Variants in SATB2 observed in about 807,000 individuals in gnomAD.
The protein encoded by SATB2 is DNA-binding protein SATB2.
Under a neutral mutation model 73.4 loss-of-function variants are expected in SATB2, and 1 was observed. That is an observed-to-expected ratio of 0.01 (90% CI 0.00 to 0.06). The LOEUF is 0.06. SATB2 is among the 10% of genes least tolerant of loss of function. The pLI is 1.00. For synonymous variants in SATB2, 397 were observed against 367.0 expected (o/e 1.08, Z -0.93); for missense variants, 459 against 945.8 (o/e 0.49, Z 6.75).
At chr2:199,458,750 C>T (rs1210170185), upstream of SATB2, 1 of 420,152 alleles carries the variant, frequency 2.4e-6, no homozygotes, top group Non-Finnish European at 4.7e-6. Flanking sequence ...CGATCGCCTC[C>T]CCCACCCACC....
intron 6 of SATB2, among the ~76,000 whole-genome samples, chr2:199,367,729 C>A (rs973243013): frequency 3.3e-5 from 5 of 152,084 alleles, no homozygotes; most frequent in African/African-American, 1.2e-4. Flanking sequence ...ACCATCAAAA[C>A]CAATGTTACA....
At chr2:199,316,854 A>C (rs1382568252) in intron 9 of SATB2, among the ~76,000 whole-genome samples, 2 of 152,108 alleles carry the variant, frequency 1.3e-5, no homozygotes, top group Non-Finnish European at 2.9e-5. Context: ...AAAAAGAAGA[A>C]TGAATCTAGA....
At chr2:199,467,196 C>T (rs1208195940), upstream of SATB2, among the ~76,000 whole-genome samples, 1 of 152,248 alleles carries the variant, frequency 6.6e-6, no homozygotes, top group Non-Finnish European at 1.5e-5. Context: ...GGGCGGGACG[C>T]CCAGAGCCCT....
chr2:199,459,349 C>CCGGCCGCGGTGCCGG (rs902392706), upstream of SATB2, among the ~76,000 whole-genome samples: 4 of 152,090 alleles, frequency 2.6e-5, no homozygotes, highest in African/African-American at 4.8e-5. This position sits in a 1 kb window ranked among gnomAD's most constrained non-coding sequence, Gnocchi z 4.2. Flanking sequence ...CAGCCCGACT[C>CCGGCCGCGGTGCCGG]CGGCCGCGGT....
upstream of SATB2, among the ~76,000 whole-genome samples, chr2:199,467,923 C>T (rs890583280): frequency 1.3e-5 from 2 of 152,148 alleles, no homozygotes; most frequent in Admixed American, 1.3e-4. Flanking sequence ...GCCTGGGAAG[C>T]CAGACTTGCC....
chr2:199,370,289 T>C (rs187455410), intron 5 of SATB2, among the ~76,000 whole-genome samples: 62 of 151,962 alleles, frequency 4.1e-4, no homozygotes, highest in Non-Finnish European at 7.5e-4. Flanking sequence ...AGTTCTGATG[T>C]GGGATATCTG....
intron 3 of SATB2, among the ~76,000 whole-genome samples, chr2:199,387,523 A>T (rs1689999602): frequency 1.3e-5 from 2 of 152,192 alleles, no homozygotes; most frequent in South Asian, 4.1e-4. Flanking sequence ...AATCATCTTT[A>T]TTATTTACAA....
upstream of SATB2, chr2:199,458,833 G>T (rs915160134): frequency 6.3e-6 from 2 of 315,510 alleles, no homozygotes; most frequent in Non-Finnish European, 1.2e-5. Context: ...CCCCCTCCGC[G>T]CCGAGCCGAA....
At chr2:199,466,144 C>G (rs1692588356), upstream of SATB2, among the ~76,000 whole-genome samples, 1 of 152,196 alleles carries the variant, frequency 6.6e-6, no homozygotes, top group Admixed American at 6.5e-5. Context: ...TACTTGGAGA[C>G]AGACCCGGCC....
chr2:199,467,210 G>T (rs897304296), upstream of SATB2, among the ~76,000 whole-genome samples: 1 of 152,282 alleles, frequency 6.6e-6, no homozygotes, highest in Admixed American at 6.5e-5. Context: ...GAGCCCTCTT[G>T]TTGGCCGGTG....
chr2:199,424,162 T>C (rs1183213341), intron 3 of SATB2, among the ~76,000 whole-genome samples: 1 of 152,254 alleles, frequency 6.6e-6, no homozygotes, highest in Non-Finnish European at 1.5e-5. Context: ...AATACTGCTT[T>C]TGAGCAAGCA....
upstream of SATB2, chr2:199,458,375 G>A: frequency 3.3e-6 from 1 of 307,658 alleles, no homozygotes; most frequent in South Asian, 2.4e-5. Flanking sequence ...GGAAGAGGAA[G>A]GGGAGAGTCG....
Position 199,308,655 on chromosome 2 carries a change from C to A in SATB2, c.1740+105G>T, listed in dbSNP as rs1687506784. On this transcript the variant is annotated intron_variant, in intron 10 of 10. Transcript: ENST00000417098. The surrounding 1 kb of genome is among the most constrained non-coding windows in gnomAD (Gnocchi z 4.6). ...GTACTTGGGGACCTGGCATGAGACA[C>A]CCTCTGACAGAAGTTGGTGTGGTGT... 1 of 923,200 alleles carries A rather than the reference C, an allele frequency of 1.1e-6. No homozygotes were observed. The highest frequency in any genetic ancestry group is 1.7e-6 in the Non-Finnish European group (1 of 574,420). 57.2% of individuals were successfully genotyped at this position (923,200 alleles called of 1,614,324 possible).
At chr2:199,346,091 T>G (rs1688642275) in intron 7 of SATB2, among the ~76,000 whole-genome samples, 3 of 152,148 alleles carry the variant, frequency 2.0e-5, no homozygotes, top group African/African-American at 7.2e-5. Context: ...ATAACAAAAC[T>G]TGCCACGAGG....
chr2:199,300,260 T>C (rs982659210), intron 10 of SATB2, among the ~76,000 whole-genome samples: 2 of 150,824 alleles, frequency 1.3e-5, no homozygotes, highest in African/African-American at 2.4e-5. Context: ...AGTTGACCAA[T>C]AGGACAACAG....
At chr2:199,423,346 G>C (rs1691229240) in intron 3 of SATB2, among the ~76,000 whole-genome samples, 1 of 152,040 alleles carries the variant, frequency 6.6e-6, no homozygotes, top group African/African-American at 2.4e-5. Flanking sequence ...TGTTAAATGA[G>C]TGAATAAAAT....
intron 6 of SATB2, among the ~76,000 whole-genome samples, chr2:199,363,718 TA>T (rs1416512466): frequency 1.3e-5 from 2 of 152,158 alleles, no homozygotes; most frequent in African/African-American, 4.8e-5. Flanking sequence ...CACGTTGTAT[TA>T]AAAACCATAC....
chr2:199,293,952 A>C (rs1226230685), intron 10 of SATB2, among the ~76,000 whole-genome samples: 2 of 152,166 alleles, frequency 1.3e-5, no homozygotes, highest in Non-Finnish European at 2.9e-5. Flanking sequence ...AAAAATGATC[A>C]CAAATACTTT....
At chr2:199,273,786 T>G (rs2105709473) in intron 10 of SATB2, among the ~76,000 whole-genome samples, 1 of 152,308 alleles carries the variant, frequency 6.6e-6, no homozygotes, top group South Asian at 2.1e-4. Flanking sequence ...TTTCTTTTAT[T>G]TCTACCTATT....
Sources: gnomAD v4.1 joint callset for allele counts (sites outside exome capture counted in the v4.1 genomes callset) on GRCh38, gnomAD v4.1.1 for gene constraint, Gnocchi (gnomAD v3.1) non-coding constraint, MANE v1.5 for transcripts, NCBI Gene and HGNC (gene_info 2026-07-23, HGNC 2026-07-21) for gene names.